ZCCHC4: variants seen among roughly 807,000 people sequenced by gnomAD.
The protein encoded by ZCCHC4 is rRNA N(6)-adenosine-methyltransferase ZCCHC4.
In ZCCHC4, 54 loss-of-function variants were observed where a neutral mutation model predicts 67.7. That is an observed-to-expected ratio of 0.80 (90% CI 0.64 to 1.00). The LOEUF is 1.00. Among genes scored for constraint, ZCCHC4 ranks in the 50% least tolerant of loss-of-function variants. ZCCHC4 has a pLI of 0.00. For missense variants in ZCCHC4, 609 were observed against 617.0 expected (o/e 0.99, Z 0.14); for synonymous variants, 198 against 213.5 (o/e 0.93, Z 0.63).
At chr4:25,326,108 G>A (rs1208469278) in intron 3 of ZCCHC4, among the ~76,000 whole-genome samples, 1 of 152,226 alleles carries the variant, frequency 6.6e-6, no homozygotes, top group Non-Finnish European at 1.5e-5. Context: ...AACTAAAGCA[G>A]GTTAAAGTTA....
intron 8 of ZCCHC4, among the ~76,000 whole-genome samples, chr4:25,354,894 C>A (rs147933828): frequency 2.0e-3 from 273 of 136,902 alleles, no homozygotes; most frequent in Admixed American, 4.5e-3. Flanking sequence ...TCCCATAGAC[C>A]TTGATTAGGC....
chr4:25,337,804 A>G (rs890022016), intron 5 of ZCCHC4, among the ~76,000 whole-genome samples: 4 of 152,186 alleles, frequency 2.6e-5, no homozygotes, highest in Non-Finnish European at 4.4e-5. Flanking sequence ...TTGAATTTAC[A>G]TTAAAAGTTA....
At chr4:25,333,595 C>A in intron 4 of ZCCHC4, 137 bp downstream of exon 4, 1 of 993,820 alleles carries the variant, frequency 1.0e-6, no homozygotes, top group Non-Finnish European at 1.5e-6. Context: ...CACAGTCCCT[C>A]TCTTAAGGAG....
rs1308798559 is a variant in ZCCHC4 at position 25,351,609 on chromosome 4, C to G, written c.931C>G (p.Pro311Ala). ...QSQDDSHKEL[P>A]IFWIFPYFFE... The stretch of plus-strand genomic sequence containing the variant: ...ATTAGATGACAGTCACAAAGAACTA[C>G]CCATTTTCTGGATTTTCCCCTATTT... The change falls in exon 8 of 13, where the codon CCC (proline) becomes GCC (alanine). Residue 311 changes from proline to alanine, a missense_variant. Physicochemically the swap from Pro to Ala is conservative, Grantham distance 27. Transcript: ENST00000302874. The G allele has an allele frequency of 6.2e-7, 1 of 1,611,160 alleles. No individual in the cohort carries two copies. The highest frequency in any genetic ancestry group is 1.3e-5 in the African/African-American group (1 of 74,772).
At chr4:25,320,222 A>C (rs1175895773) in intron 3 of ZCCHC4, among the ~76,000 whole-genome samples, 2 of 152,068 alleles carry the variant, frequency 1.3e-5, no homozygotes, top group African/African-American at 2.4e-5. Context: ...TACGCTCTGA[A>C]ATGTGTTATT....
chr4:25,314,034 T>TTTTTTTG lies in ZCCHC4; in HGVS notation c.128-11_128-10insTTTTTGT. ...TTGACACTTTTTTTTTTTTTTTCTA[T>TTTTTTTG]TCTGGAACTAGGACCCACTCTTCTG... On this transcript the variant is annotated splice_polypyrimidine_tract_variant and intron_variant, in intron 1 of 12. Coordinates refer to ENST00000302874, the MANE Select transcript of ZCCHC4 (RefSeq NM_024936.3). 1 of 1,404,576 alleles carries TTTTTTTG rather than the reference T, an allele frequency of 7.1e-7. No homozygotes were observed. The highest frequency in any genetic ancestry group is 9.8e-7 in the Non-Finnish European group (1 of 1,021,196). 87.0% of individuals were successfully genotyped at this position (1,404,576 alleles called of 1,614,324 possible).
chr4:25,315,385 C>T lies in ZCCHC4; in HGVS notation c.314C>T (p.Thr105Met), dbSNP rs940647483. ...NRRCQPPLSR[T>M]QCVERYLKFI... Reference sequence around the variant, plus strand: ...AGATGTCAGCCTCCCCTGTCCCGAACGCAGTGTGTGGAAAGGTACTGATGC... The same window carrying T: ...AGATGTCAGCCTCCCCTGTCCCGAATGCAGTGTGTGGAAAGGTACTGATGC... The change falls in exon 3 of 13, where the codon ACG becomes ATG. Residue 105 changes from threonine to methionine, a missense_variant. Thr to Met is a moderately conservative substitution (Grantham distance 81). Coordinates refer to ENST00000302874, the MANE Select transcript of ZCCHC4 (RefSeq NM_024936.3). The T allele has an allele frequency of 8.7e-6, 14 of 1,612,320 alleles. No homozygotes were observed. Among genetic ancestry groups the T allele is most frequent in the Middle Eastern group, 1.7e-4 (1 of 6,056 alleles).
At chr4:25,361,374 G>A (rs147543112) in intron 8 of ZCCHC4, among the ~76,000 whole-genome samples, 23 of 152,322 alleles carry the variant, frequency 1.5e-4, no homozygotes, top group Admixed American at 3.9e-4. Context: ...AGATGGCTGC[G>A]CTTTAGTCAG....
chr4:25,356,556 C>G (rs986269131), intron 8 of ZCCHC4, among the ~76,000 whole-genome samples: 2 of 150,490 alleles, frequency 1.3e-5, no homozygotes, highest in Admixed American at 6.7e-5. Context: ...AGAAATTGTT[C>G]TTTTTTTTTC....
In ZCCHC4 at chr4:25,364,435, T is replaced by C. The variant is rs1442915851; in HGVS notation, c.1210-19T>C. The C allele has an allele frequency of 6.7e-7, 1 of 1,500,294 alleles. No homozygotes were observed. The highest frequency in any genetic ancestry group is 8.9e-7 in the Non-Finnish European group (1 of 1,125,956). 92.9% of individuals were successfully genotyped at this position (1,500,294 alleles called of 1,614,324 possible). A position where few individuals can be genotyped will look rare whatever the true frequency, so the allele number is the denominator to read the frequency against. On this transcript the variant is annotated intron_variant, in intron 10 of 12. Transcript: ENST00000302874. Reference sequence around the variant, plus strand: ...TAACAAATTAATTATAATTTAAAAATTGTTTTTTTTTTTGGTAGGATGGCA... The same window carrying C: ...TAACAAATTAATTATAATTTAAAAACTGTTTTTTTTTTTGGTAGGATGGCA...
intron 6 of ZCCHC4, among the ~76,000 whole-genome samples, chr4:25,345,912 T>A (rs1238130542): frequency 6.6e-6 from 1 of 152,152 alleles, no homozygotes; most frequent in African/African-American, 2.4e-5. Context: ...TCTCCCTGTT[T>A]CCCCTTTGCT....
At chr4:25,368,564 A>G (rs1721032413) in intron 12 of ZCCHC4, among the ~76,000 whole-genome samples, 1 of 152,128 alleles carries the variant, frequency 6.6e-6, no homozygotes, top group Non-Finnish European at 1.5e-5. Flanking sequence ...GACTTAGGAA[A>G]CAGGCCCTTT....
At chr4:25,347,012 A>T (rs557792294) in intron 6 of ZCCHC4, among the ~76,000 whole-genome samples, 2 of 152,240 alleles carry the variant, frequency 1.3e-5, no homozygotes, top group South Asian at 4.1e-4. Flanking sequence ...CTTCTAACAG[A>T]GGGAAGTGAA....
chr4:25,328,075 T>A (rs950902550), intron 3 of ZCCHC4, among the ~76,000 whole-genome samples: 1 of 152,188 alleles, frequency 6.6e-6, no homozygotes, highest in African/African-American at 2.4e-5. Context: ...GTTTTGGTAT[T>A]GGGATAATGG....
At chr4:25,327,442 G>T (rs1029045099) in intron 3 of ZCCHC4, among the ~76,000 whole-genome samples, 1 of 113,432 alleles carries the variant, frequency 8.8e-6, no homozygotes, top group Non-Finnish European at 1.7e-5. Flanking sequence ...CCTTCCTTCC[G>T]TTCCTTCCTT....
intron 3 of ZCCHC4, among the ~76,000 whole-genome samples, chr4:25,331,207 AC>A (rs1218933418): frequency 2.0e-5 from 3 of 152,094 alleles, no homozygotes; most frequent in Admixed American, 2.0e-4. Context: ...ATATCTTCAA[AC>A]TGCTTTTTCA....
intron 3 of ZCCHC4, among the ~76,000 whole-genome samples, chr4:25,323,365 G>A (rs1718682306): frequency 1.3e-5 from 2 of 151,564 alleles, no homozygotes; most frequent in Non-Finnish European, 2.9e-5. Flanking sequence ...TGGTACTGCA[G>A]CAACTTCCAA....
Position 25,361,857 on chromosome 4 carries a change from A to G in ZCCHC4, c.1012-2A>G, listed in dbSNP as rs1431233377. The G allele has an allele frequency of 1.9e-6, 3 of 1,600,532 alleles. No homozygotes were observed. The highest frequency in any genetic ancestry group is 2.6e-6 in the Non-Finnish European group (3 of 1,173,258). ...TTTCTGCTCTAATTTTTAACTTTCT[A>G]GGTAGATTATGATAATCATGCACTT... On this transcript the variant is annotated splice_acceptor_variant, in intron 8 of 12. Transcript: ENST00000302874. LOFTEE classifies it high-confidence loss of function.
At chr4:25,352,383 A>G in intron 8 of ZCCHC4, 1 of 983,014 alleles carries the variant, frequency 1.0e-6, no homozygotes, top group Non-Finnish European at 1.2e-6. Context: ...TGTCGCCATC[A>G]CTGTTTATGG....
Sources: gnomAD v4.1 joint callset for allele counts (sites outside exome capture counted in the v4.1 genomes callset) on GRCh38, gnomAD v4.1.1 for gene constraint, MANE v1.5 for transcripts, NCBI Gene and HGNC (gene_info 2026-07-23, HGNC 2026-07-21) for gene names.